Variants in RABGAP1L observed in about 807,000 individuals in gnomAD.
RABGAP1L encodes the protein RAB GTPase activating protein 1 like.
RABGAP1L carries 63 observed loss-of-function variants against 137.7 expected under a neutral mutation model. The ratio of observed to expected loss-of-function variants is 0.46; its 90% confidence interval spans 0.37 to 0.56. The LOEUF (loss-of-function observed/expected upper bound fraction) is 0.56. Ranked by LOEUF, RABGAP1L falls within the 20% of genes least tolerant of loss-of-function variation. The pLI is 0.00. For synonymous variants in RABGAP1L, 431 were observed against 433.7 expected (o/e 0.99, Z 0.08); for missense variants, 1,095 against 1,244.0 (o/e 0.88, Z 1.80).
At position 174,969,135 on chromosome 1, in the gene RABGAP1L, A is replaced by G. The variant is rs1669916673; in HGVS notation, c.2434-142A>G. 1.7e-5 allele frequency: 11 copies of G among 643,126 alleles called. No homozygotes were observed. In the Middle Eastern group the frequency reaches 1.3e-3, roughly 74 times the overall value. The allele number at this position is 643,126 out of a possible 1,614,324, so 39.8% of individuals were successfully genotyped here. ...ACTCACTGTTGTTTCCCAGACAGCA[A>G]TCCTGCCTTCCTGTGCCACTTGCGC... On this transcript the variant is annotated intron_variant, in intron 20 of 25. Transcript: ENST00000681986.
intron 23 of RABGAP1L, among the ~76,000 whole-genome samples, chr1:174,980,830 A>G (rs1334813306): frequency 6.6e-6 from 1 of 152,178 alleles, no homozygotes; most frequent in African/African-American, 2.4e-5. Context: ...CCAGAGTCCA[A>G]CTGTAAGAAG....
At chr1:174,175,387 C>T (rs1412289030) in intron 1 of RABGAP1L, among the ~76,000 whole-genome samples, 1 of 152,076 alleles carries the variant, frequency 6.6e-6, no homozygotes, top group African/African-American at 2.4e-5. Flanking sequence ...TTAGAAATCT[C>T]TCATTTGTGC....
intron 13 of RABGAP1L, among the ~76,000 whole-genome samples, chr1:174,450,022 G>A (rs529238946): frequency 6.6e-6 from 1 of 152,124 alleles, no homozygotes; most frequent in African/African-American, 2.4e-5. Context: ...AAGCAATCTG[G>A]TAGCTTATTA....
chr1:174,205,164 G>C (rs1168080927), intron 1 of RABGAP1L, among the ~76,000 whole-genome samples: 1 of 152,158 alleles, frequency 6.6e-6, no homozygotes, highest in African/African-American at 2.4e-5. Context: ...CTTGATTGTG[G>C]TGGATTAGCT....
At chr1:174,610,718 T>C (rs1297160216) in intron 13 of RABGAP1L, among the ~76,000 whole-genome samples, 1 of 152,212 alleles carries the variant, frequency 6.6e-6, no homozygotes, top group Non-Finnish European at 1.5e-5. Flanking sequence ...CAGCACCTGT[T>C]CTTTCCTGAC....
chr1:174,870,040 A>T (rs1300873352), intron 19 of RABGAP1L, among the ~76,000 whole-genome samples: 1 of 152,244 alleles, frequency 6.6e-6, no homozygotes, highest in South Asian at 2.1e-4. Context: ...GGTGGAGCCC[A>T]GTATCAAACC....
intron 20 of RABGAP1L, among the ~76,000 whole-genome samples, chr1:174,966,874 A>AT (rs35446224): frequency 0.14 from 21,364 of 151,808 alleles, 4,978 homozygotes; most frequent in African/African-American, 0.49. Context: ...GTGGACTTAA[A>AT]TTTTTTTTTC....
At chr1:174,349,798 T>A (rs1227021868) in intron 11 of RABGAP1L, among the ~76,000 whole-genome samples, 1 of 99,828 alleles carries the variant, frequency 1.0e-5, no homozygotes, top group Non-Finnish European at 2.2e-5. Flanking sequence ...CACTTCCCAG[T>A]AGGGGCGGCC....
chr1:174,434,151 A>ACACACACACACACACACACACACACAC (rs1361968902), intron 13 of RABGAP1L, among the ~76,000 whole-genome samples: 2 of 147,518 alleles, frequency 1.4e-5, no homozygotes, highest in African/African-American at 2.6e-5. Flanking sequence ...ACACACACAC[A>ACACACACACACACACACACACACACAC]CCCTGCCTGG....
chr1:174,917,058 A>G (rs1245274412), intron 19 of RABGAP1L, among the ~76,000 whole-genome samples: 1 of 152,182 alleles, frequency 6.6e-6, no homozygotes, highest in East Asian at 1.9e-4. Flanking sequence ...CTCACATGGC[A>G]GAGAGGGAGA....
Position 174,822,274 on chromosome 1 carries a change from A to C in RABGAP1L, c.2340+10314A>C, listed in dbSNP as rs527405763. On this transcript the variant is annotated intron_variant, in intron 19 of 25. Transcript: ENST00000681986. ...AAGACTGTGTCTCAAACAAACAAAAAAAATTGATAATGAAGTAGTTTCTAT... is the reference window on the plus strand; with the variant it reads ...AAGACTGTGTCTCAAACAAACAAAACAAATTGATAATGAAGTAGTTTCTAT... 4.6e-5 allele frequency among the ~76,000 whole-genome samples: 7 copies of C among 152,338 alleles called. No individual in the cohort carries two copies. The South Asian group carries it at 1.4e-3, about 32-fold the overall frequency.
chr1:174,169,716 G>T (rs1442237835), intron 1 of RABGAP1L, among the ~76,000 whole-genome samples: 1 of 151,868 alleles, frequency 6.6e-6, no homozygotes, highest in East Asian at 1.9e-4. Flanking sequence ...TGGAGACAGG[G>T]TATCTCTCTG....
intron 13 of RABGAP1L, among the ~76,000 whole-genome samples, chr1:174,434,320 T>C (rs1297177884): frequency 1.3e-5 from 2 of 152,252 alleles, no homozygotes; most frequent in Non-Finnish European, 2.9e-5. Context: ...TTCCTTTTCA[T>C]TGCTATATTT....
intron 21 of RABGAP1L, among the ~76,000 whole-genome samples, chr1:174,972,540 T>C (rs2149369859): frequency 6.6e-6 from 1 of 152,276 alleles, no homozygotes; most frequent in African/African-American, 2.4e-5. Context: ...ATAATGACAG[T>C]GTTTCAATCT....
chr1:174,172,592 AT>A (rs1209743090), intron 1 of RABGAP1L, among the ~76,000 whole-genome samples: 1 of 152,134 alleles, frequency 6.6e-6, no homozygotes, highest in Non-Finnish European at 1.5e-5. Flanking sequence ...TTCCCTGATA[AT>A]TAGTGATGTT....
chr1:174,502,366 T>C (rs932768856), intron 13 of RABGAP1L, among the ~76,000 whole-genome samples: 5 of 151,508 alleles, frequency 3.3e-5, no homozygotes, highest in African/African-American at 1.2e-4. Flanking sequence ...GGCACACCCT[T>C]GAACAAACCC....
At chr1:174,250,421 T>C in intron 5 of RABGAP1L, 54 bp from the exon 6 acceptor site, 1 of 1,404,248 alleles carries the variant, frequency 7.1e-7, no homozygotes, top group Admixed American at 2.0e-5. Context: ...GAGAAGGATA[T>C]CAGAATGCAA....
intron 24 of RABGAP1L, among the ~76,000 whole-genome samples, chr1:174,987,861 G>A (rs1043994498): frequency 6.6e-6 from 1 of 152,150 alleles, no homozygotes; most frequent in Non-Finnish European, 1.5e-5. Flanking sequence ...CCAGGCTGGA[G>A]TGCAGTGGCG....
chr1:174,381,285 T>C (rs1176788136), intron 12 of RABGAP1L, among the ~76,000 whole-genome samples: 3 of 146,778 alleles, frequency 2.0e-5, no homozygotes, highest in Non-Finnish European at 3.0e-5. Context: ...GGTGGAGAGT[T>C]CTGTAGATGT....
Sources: allele counts gnomAD v4.1 joint callset (sites outside exome capture counted in the v4.1 genomes callset), GRCh38; gene constraint gnomAD v4.1.1; transcripts MANE v1.5; gene names NCBI Gene and HGNC (gene_info 2026-07-23, HGNC 2026-07-21).